The following DAB1 variants were observed in gnomAD, a reference collection of about 807,000 sequenced individuals.
DAB1 encodes disabled homolog 1.
DAB1 carries 15 observed loss-of-function variants against 64.6 expected under a neutral mutation model. That is an observed-to-expected ratio of 0.23 (90% CI 0.16 to 0.36). DAB1 has a LOEUF of 0.36. Ranked by LOEUF, DAB1 falls within the 10% of genes least tolerant of loss-of-function variation. The pLI is 1.00. For synonymous variants in DAB1, 235 were observed against 251.9 expected (o/e 0.93, Z 0.64); for missense variants, 596 against 706.7 (o/e 0.84, Z 1.78).
chr1:57,638,087 T>C (rs1317050491), intron 7 of DAB1, among the ~76,000 whole-genome samples: 2 of 152,186 alleles, frequency 1.3e-5, no homozygotes, highest in African/African-American at 4.8e-5. Context: ...AAATGCATAA[T>C]GTAAAGACTA....
At chr1:57,435,611 G>T (rs1438769496) in intron 7 of DAB1, among the ~76,000 whole-genome samples, 1 of 152,002 alleles carries the variant, frequency 6.6e-6, no homozygotes, top group Non-Finnish European at 1.5e-5. Context: ...GGCCTACACA[G>T]GGCCCAGGAG....
chr1:58,492,821 G>A lies in DAB1; in HGVS notation n.257+13239C>T, dbSNP rs1272427923. ...TCCAGGACCAGATGGATTCACAGCC[G>A]AATTCTACCAGAGGTACAAGAAGGA... On this transcript the variant is annotated intron_variant and non_coding_transcript_variant, in intron 3 of 20. Coordinates refer to the DAB1 transcript ENST00000485760. 5.9e-5 allele frequency among the ~76,000 whole-genome samples: 9 copies of A among 152,096 alleles called. No individual in the cohort carries two copies. The South Asian group carries it at 1.0e-3, about 18-fold the overall frequency.
At chr1:57,115,725 G>A (rs1466993661) in intron 4 of DAB1, among the ~76,000 whole-genome samples, 1 of 152,184 alleles carries the variant, frequency 6.6e-6, no homozygotes, top group African/African-American at 2.4e-5. Context: ...AAGGCAACAT[G>A]AGCTGGGGTC....
At chr1:57,984,423 G>A (rs548234077) in intron 5 of DAB1, among the ~76,000 whole-genome samples, 2 of 152,180 alleles carry the variant, frequency 1.3e-5, no homozygotes, top group African/African-American at 4.8e-5. Context: ...TGGGGGAGAG[G>A]AGGCAGGCAC....
intron 5 of DAB1, among the ~76,000 whole-genome samples, chr1:58,079,604 C>A (rs1008664261): frequency 6.2e-5 from 9 of 144,558 alleles, no homozygotes; most frequent in African/African-American, 2.0e-4. Context: ...CTCACTGCAA[C>A]CTCTGCCTCC....
At chr1:58,098,700 G>A (rs915887648) in intron 5 of DAB1, among the ~76,000 whole-genome samples, 4 of 152,112 alleles carry the variant, frequency 2.6e-5, no homozygotes, top group South Asian at 2.1e-4. Flanking sequence ...TTTGACTAGC[G>A]TCCTTGAAAA....
intron 7 of DAB1, among the ~76,000 whole-genome samples, chr1:57,642,372 G>C (rs181912329): frequency 6.6e-6 from 1 of 152,144 alleles, no homozygotes; most frequent in African/African-American, 2.4e-5. Context: ...GATGTTGCTT[G>C]TCCCAAGCAG....
At chr1:57,155,605 G>A (rs190312576) in intron 2 of DAB1, among the ~76,000 whole-genome samples, 114 of 151,296 alleles carry the variant, frequency 7.5e-4, no homozygotes, top group African/African-American at 2.6e-3. Flanking sequence ...GATAAGGATT[G>A]TATTGAATCT....
At chr1:58,110,744 C>T (rs185195254) in intron 5 of DAB1, among the ~76,000 whole-genome samples, 16 of 152,360 alleles carry the variant, frequency 1.1e-4, no homozygotes, top group African/African-American at 3.8e-4. Context: ...AATCAAGTTG[C>T]ATCTCTGCTA....
chr1:57,570,121 G>A (rs1335917959), intron 7 of DAB1, among the ~76,000 whole-genome samples: 1 of 152,090 alleles, frequency 6.6e-6, no homozygotes, highest in African/African-American at 2.4e-5. Context: ...GAGTCAGTCG[G>A]CCGGGAAAGG....
intron 2 of DAB1, among the ~76,000 whole-genome samples, chr1:57,177,247 T>G (rs1231727515): frequency 1.3e-5 from 2 of 152,134 alleles, no homozygotes; most frequent in Non-Finnish European, 2.9e-5. Context: ...TCTAAAATTT[T>G]ATTGTTCTTT....
intron 1 of DAB1, among the ~76,000 whole-genome samples, chr1:58,544,961 T>C (rs927772259): frequency 6.6e-6 from 1 of 152,144 alleles, no homozygotes; most frequent in Non-Finnish European, 1.5e-5. Flanking sequence ...GGCTGGTTTT[T>C]AACTCCTGGG....
chr1:58,069,710 T>A (rs1649116198), intron 5 of DAB1, among the ~76,000 whole-genome samples: 1 of 152,120 alleles, frequency 6.6e-6, no homozygotes, highest in African/African-American at 2.4e-5. Flanking sequence ...ATGTAATACA[T>A]CCATTATTTA....
intron 4 of DAB1, among the ~76,000 whole-genome samples, chr1:57,090,648 A>G (rs1268792363): frequency 6.6e-6 from 1 of 152,232 alleles, no homozygotes; most frequent in Non-Finnish European, 1.5e-5. Flanking sequence ...CAAAACTCCC[A>G]GGGCTAGATC....
chr1:57,846,815 G>A (rs1431670485), intron 1 of DAB1, among the ~76,000 whole-genome samples: 2 of 152,208 alleles, frequency 1.3e-5, no homozygotes, highest in African/African-American at 2.4e-5. Flanking sequence ...ACACGTGCAC[G>A]TGCGTGCACA....
In DAB1 at chr1:58,519,722, AGAGTT is replaced by A. The variant is rs1188459555; in HGVS notation, n.107+7534_107+7538del. ...CGGACCCAGCTATAATACAGAGATT[AGAGTT>A]AAGAAACATGAATTTTTAAAAAAAT... On this transcript the variant is annotated intron_variant and non_coding_transcript_variant, in intron 2 of 20. Transcript: ENST00000485760. Among the ~76,000 whole-genome samples the A allele has an allele frequency of 3.9e-5, 6 of 152,368 alleles. No individual in the cohort carries two copies. In the East Asian group the frequency reaches 9.6e-4, roughly 24 times the overall value.
chr1:57,502,702 G>C (rs558061725), intron 7 of DAB1, among the ~76,000 whole-genome samples: 40 of 152,272 alleles, frequency 2.6e-4, no homozygotes, highest in African/African-American at 8.7e-4. Context: ...AAGTCTGTCT[G>C]ATGGAAATGT....
chr1:58,333,304 C>T (rs1663018906), intron 4 of DAB1, among the ~76,000 whole-genome samples: 1 of 152,026 alleles, frequency 6.6e-6, no homozygotes, highest in East Asian at 1.9e-4. Flanking sequence ...ATGGTGGCTC[C>T]TGTAGACCAT....
chr1:57,653,378 T>A (rs1646278773), intron 6 of DAB1, among the ~76,000 whole-genome samples: 1 of 152,218 alleles, frequency 6.6e-6, no homozygotes, highest in Non-Finnish European at 1.5e-5. Flanking sequence ...TTTCTAATAT[T>A]ATATTTTCAA....
Sources: allele counts gnomAD v4.1 joint callset (sites outside exome capture counted in the v4.1 genomes callset), GRCh38; gene constraint gnomAD v4.1.1; transcripts MANE v1.5; gene names NCBI Gene and HGNC (gene_info 2026-07-23, HGNC 2026-07-21).